The following STX6 variants were observed in gnomAD, a reference collection of about 807,000 sequenced individuals.
STX6 encodes syntaxin 6.
A neutral mutation model predicts 38.0 loss-of-function variants in STX6; 23 were observed. That is an observed-to-expected ratio of 0.60 (90% CI 0.43 to 0.86). STX6 has a LOEUF of 0.86. STX6 is among the 40% of genes least tolerant of loss of function. The pLI is 0.00. For missense variants in STX6, 274 were observed against 312.9 expected, an observed-to-expected ratio of 0.88 and a Z score of 0.94; for synonymous variants, 123 against 107.5, an observed-to-expected ratio of 1.14 and a Z score of -0.89.
intron 3 of STX6, 83 bp from the exon 4 acceptor site, chr1:180,993,508 C>A: frequency 1.4e-6 from 1 of 696,880 alleles, no homozygotes; most frequent in Non-Finnish European, 2.5e-6. Flanking sequence ...TAGCAAAACA[C>A]ACAATTTATT....
chr1:181,007,474 T>C (rs770082163), intron 1 of STX6, among the ~76,000 whole-genome samples: 8 of 152,194 alleles, frequency 5.3e-5, no homozygotes, highest in African/African-American at 7.2e-5. Context: ...CTGAGTATCA[T>C]TTATGATAAT....
chr1:181,008,981 A>G (rs367608356), intron 1 of STX6, among the ~76,000 whole-genome samples: 2 of 152,132 alleles, frequency 1.3e-5, no homozygotes, highest in Non-Finnish European at 2.9e-5. Flanking sequence ...ACTCAATCAC[A>G]TAAGTGCTTT....
rs1655165813 is a variant in STX6 at position 180,973,143 on chromosome 1, A to G, written c.*3427T>C. On this transcript the variant is annotated 3_prime_UTR_variant, in exon 8 of 8. Transcript: ENST00000258301. ...AAAAAATGCCAGTGAGAGGAAGACA[A>G]AGAAAAATTAGAGGCAGTACATTCC... 6.5e-6 allele frequency: 1 copy of G among 152,680 alleles called. No homozygotes were observed. Among genetic ancestry groups the G allele is most frequent in the African/African-American group, 2.4e-5 (1 of 41,472 alleles). 9.5% of individuals were successfully genotyped at this position (152,680 alleles called of 1,614,324 possible).
intron 1 of STX6, among the ~76,000 whole-genome samples, chr1:181,017,376 G>A (rs1251095561): frequency 1.3e-5 from 2 of 152,268 alleles, no homozygotes; most frequent in East Asian, 3.9e-4. Flanking sequence ...CTGGGCAACA[G>A]AGTGAGACTC....
At chr1:180,982,039 T>A (rs1159247171) in intron 7 of STX6, among the ~76,000 whole-genome samples, 1 of 152,110 alleles carries the variant, frequency 6.6e-6, no homozygotes, top group African/African-American at 2.4e-5. Flanking sequence ...ATAAAATACT[T>A]CTGTGGGTAG....
intron 7 of STX6, among the ~76,000 whole-genome samples, chr1:180,979,505 T>C (rs375953030): frequency 1.3e-5 from 2 of 152,102 alleles, no homozygotes; most frequent in East Asian, 3.9e-4. Context: ...AAAAATGAAG[T>C]TGGAGGCAGA....
intron 1 of STX6, among the ~76,000 whole-genome samples, chr1:181,022,016 T>C (rs1298042305): frequency 2.0e-5 from 3 of 152,156 alleles, no homozygotes; most frequent in African/African-American, 7.2e-5. Flanking sequence ...ACGACTGCTT[T>C]CCTCTCCTCA....
chr1:181,003,953 T>A (rs1473857568), intron 2 of STX6, among the ~76,000 whole-genome samples: 1 of 152,250 alleles, frequency 6.6e-6, no homozygotes, highest in Non-Finnish European at 1.5e-5. Context: ...CATCACTTCT[T>A]AAACATGAAG....
At chr1:180,981,137 T>C (rs1655403176) in intron 7 of STX6, among the ~76,000 whole-genome samples, 1 of 152,176 alleles carries the variant, frequency 6.6e-6, no homozygotes, top group South Asian at 2.1e-4. Flanking sequence ...CCAGAGAATG[T>C]ACAATACCAA....
chr1:180,996,452 G>C (rs1655918086), intron 3 of STX6, among the ~76,000 whole-genome samples: 1 of 152,122 alleles, frequency 6.6e-6, no homozygotes, highest in South Asian at 2.1e-4. Context: ...GTAGCTAAGA[G>C]ACATTTTCTC....
intron 7 of STX6, among the ~76,000 whole-genome samples, chr1:180,982,389 G>A (rs1180325238): frequency 6.6e-6 from 1 of 152,212 alleles, no homozygotes; most frequent in East Asian, 1.9e-4. Flanking sequence ...CAAGCAACCT[G>A]TCAAAAGTGA....
At chr1:181,003,501 A>C (rs879266574) in intron 2 of STX6, among the ~76,000 whole-genome samples, 14 of 152,066 alleles carry the variant, frequency 9.2e-5, no homozygotes, top group Non-Finnish European at 1.9e-4. Flanking sequence ...ATCTCCCTGT[A>C]ACTGTGCTTT....
At chr1:180,989,211 G>C (rs1655676088) in intron 5 of STX6, 1 of 152,074 alleles carries the variant, frequency 6.6e-6, no homozygotes, top group Non-Finnish European at 1.5e-5. Context: ...CAACCAATAG[G>C]CCGGGCGCGG....
rs1656285057 is a variant in STX6 at position 181,008,237 on chromosome 1, T to A, written c.36-2774A>T. On this transcript the variant is annotated intron_variant, in intron 1 of 7. Coordinates refer to ENST00000258301, the MANE Select transcript of STX6 (RefSeq NM_005819.6). ...TTACCAAGTAAAATGGGAAGGAGTATCTCAGTCATTAGGGCGCTTTGTTTC... is the reference window on the plus strand; with the variant it reads ...TTACCAAGTAAAATGGGAAGGAGTAACTCAGTCATTAGGGCGCTTTGTTTC... Among the ~76,000 whole-genome samples, 3 of 152,214 alleles carry A rather than the reference T, an allele frequency of 2.0e-5. No homozygotes were observed. The South Asian group carries it at 6.2e-4, about 32-fold the overall frequency.
At chr1:180,980,340 A>C (rs74563899) in intron 7 of STX6, among the ~76,000 whole-genome samples, 1 of 146,238 alleles carries the variant, frequency 6.8e-6, no homozygotes, top group African/African-American at 2.5e-5. Context: ...TCAAAACCCC[A>C]AACAGTGACA....
chr1:181,020,566 A>G (rs1170388974), intron 1 of STX6, among the ~76,000 whole-genome samples: 1 of 152,222 alleles, frequency 6.6e-6, no homozygotes, highest in African/African-American at 2.4e-5. Flanking sequence ...AAGAACAATT[A>G]AAAAGACTCT....
intron 4 of STX6, among the ~76,000 whole-genome samples, 194 bp downstream of exon 4, chr1:180,993,168 AG>A (rs1165445341): frequency 1.3e-5 from 2 of 152,108 alleles, no homozygotes; most frequent in Non-Finnish European, 2.9e-5. Flanking sequence ...GGGTAAGAGG[AG>A]GGGAGGGAAA....
At chr1:181,019,376 C>T (rs1188665891) in intron 1 of STX6, among the ~76,000 whole-genome samples, 3 of 151,526 alleles carry the variant, frequency 2.0e-5, no homozygotes, top group Non-Finnish European at 4.4e-5. Context: ...AAAACAGTCC[C>T]AAACCTCAGA....
intron 2 of STX6, among the ~76,000 whole-genome samples, chr1:181,004,089 C>CT (rs888760897): frequency 1.3e-5 from 2 of 152,216 alleles, no homozygotes; most frequent in African/African-American, 4.8e-5. Flanking sequence ...ATTCTAAACT[C>CT]TTTACCTGTA....
Sources: allele counts gnomAD v4.1 joint callset (sites outside exome capture counted in the v4.1 genomes callset), GRCh38; gene constraint gnomAD v4.1.1; transcripts MANE v1.5; gene names NCBI Gene and HGNC (gene_info 2026-07-23, HGNC 2026-07-21).